The following ATG13 variants were observed in gnomAD, a reference collection of about 807,000 sequenced individuals.
The protein encoded by ATG13 is autophagy-related protein 13.
A neutral mutation model predicts 65.5 loss-of-function variants in ATG13; 23 were observed. That is an observed-to-expected ratio of 0.35 (90% CI 0.25 to 0.50). ATG13 has a LOEUF of 0.50. Ranked by LOEUF, ATG13 falls within the 20% of genes least tolerant of loss-of-function variation. The probability of loss-of-function intolerance (pLI) is 0.98; values close to 1 mark genes in which losing one functional copy is unlikely to be tolerated. For synonymous variants in ATG13, 252 were observed against 245.2 expected (o/e 1.03, Z -0.26); for missense variants, 566 against 677.0 (o/e 0.84, Z 1.82).
intron 2 of ATG13, among the ~76,000 whole-genome samples, chr11:46,639,741 G>T (rs752779008): frequency 6.6e-6 from 1 of 152,078 alleles, no homozygotes. Flanking sequence ...TAAAGTCATG[G>T]CACAGAGAGA....
chr11:46,635,944 T>C (rs1473120803), intron 2 of ATG13, among the ~76,000 whole-genome samples: 1 of 152,164 alleles, frequency 6.6e-6, no homozygotes, highest in Non-Finnish European at 1.5e-5. Context: ...TTTCTTTCTT[T>C]CTTTGTTTTT....
chr11:46,643,204 G>A (rs971958688), intron 2 of ATG13, among the ~76,000 whole-genome samples: 1 of 152,122 alleles, frequency 6.6e-6, no homozygotes, highest in Non-Finnish European at 1.5e-5. Context: ...GGGAGTTCAG[G>A]GGTTGGGGGT....
intron 1 of ATG13, among the ~76,000 whole-genome samples, chr11:46,622,098 TATATATATATATATATATATATA>T (rs1565397774): frequency 3.1e-5 from 2 of 64,528 alleles, no homozygotes; most frequent in African/African-American, 1.5e-4. Flanking sequence ...TATATATATA[TATATATATATATATATATATATA>T]TATATATTTA....
chr11:46,658,840 AAAAAG>A (rs761871435), intron 10 of ATG13, among the ~76,000 whole-genome samples: 45 of 152,246 alleles, frequency 3.0e-4, no homozygotes, highest in Admixed American at 3.9e-4. Flanking sequence ...CAATTTAGAA[AAAAAG>A]AAAAGAAAAG....
At chr11:46,665,606 G>A (rs752417022) in intron 14 of ATG13, 87 bp downstream of exon 14, 77 of 1,509,874 alleles carry the variant, frequency 5.1e-5, no homozygotes, top group Non-Finnish European at 6.3e-5. Flanking sequence ...AATTAGTAAA[G>A]AGTAACTTTC....
Position 46,667,958 on chromosome 11 carries a change from T to C in ATG13, c.1251+71T>C, listed in dbSNP as rs561511686. ...GAGTAAGGCCCCACAGGCAGTTTTC[T>C]TAACCTGAGATATTAATATATATGA... is the stretch of plus-strand genomic sequence containing the variant. On this transcript the variant is annotated intron_variant, in intron 15 of 18. Transcript: ENST00000683050. The C allele has an allele frequency of 1.5e-4, 179 of 1,216,460 alleles. No individual in the cohort carries two copies. The African/African-American group carries it at 2.2e-3, about 15-fold the overall frequency. 75.4% of individuals were successfully genotyped at this position (1,216,460 alleles called of 1,614,324 possible). A position where few individuals can be genotyped will look rare whatever the true frequency, so the allele number is the denominator to read the frequency against.
Position 46,645,890 on chromosome 11 carries a change from C to T in ATG13, c.171C>T (p.Asp57=). The change falls in exon 5 of 19, where the codon GAC becomes GAT. Residue 57 remains aspartate, a synonymous_variant. Transcript: ENST00000683050. ...TCCAGTTCAACTTAGCAATCAAAGA[C>T]ATCCCAGAGGTTACACATGAAGCAA... ...GSDWFNLAIK[D]IPEVTHEAKK... 1 of 1,614,152 alleles carries T rather than the reference C, an allele frequency of 6.2e-7. No homozygotes were observed. The highest frequency in any genetic ancestry group is 8.5e-7 in the Non-Finnish European group (1 of 1,180,004).
chr11:46,641,396 T>C (rs576549839), intron 2 of ATG13, among the ~76,000 whole-genome samples: 14 of 152,296 alleles, frequency 9.2e-5, no homozygotes, highest in Admixed American at 2.0e-4. Flanking sequence ...TATTACGTTA[T>C]ATTCATGAGA....
At chr11:46,635,441 A>G (rs917611871) in intron 2 of ATG13, among the ~76,000 whole-genome samples, 1 of 152,244 alleles carries the variant, frequency 6.6e-6, no homozygotes, top group African/African-American at 2.4e-5. Flanking sequence ...CAGGAGTTCA[A>G]TACCAACCTG....
chr11:46,644,433 C>T (rs2056998069), intron 3 of ATG13, 73 bp downstream of exon 3: 1 of 1,322,506 alleles, frequency 7.6e-7, no homozygotes, highest in Non-Finnish European at 1.1e-6. Context: ...GCGAACAACT[C>T]TCTTTGGAAA....
chr11:46,628,392 G>A (rs943395114), intron 1 of ATG13, among the ~76,000 whole-genome samples: 4 of 151,906 alleles, frequency 2.6e-5, no homozygotes, highest in African/African-American at 9.7e-5. Context: ...GTGAGACTCT[G>A]TCTCAAAAAA....
intron 18 of ATG13, 127 bp downstream of exon 18, chr11:46,669,659 C>T (rs921316973): frequency 4.2e-6 from 5 of 1,180,014 alleles, no homozygotes; most frequent in Non-Finnish European, 5.9e-6. Context: ...AGAAAATTAT[C>T]TTTTGATCAC....
chr11:46,623,909 C>T (rs1004539762), intron 1 of ATG13, among the ~76,000 whole-genome samples: 2 of 151,694 alleles, frequency 1.3e-5, no homozygotes, highest in African/African-American at 4.8e-5. Context: ...ATTATATTTA[C>T]ACATTCTTAT....
At chr11:46,667,920 G>A (rs1014496357) in intron 15 of ATG13, 33 bp downstream of exon 15, 20 of 1,544,800 alleles carry the variant, frequency 1.3e-5, no homozygotes, top group Admixed American at 3.4e-5. Context: ...CTGTGAGAAT[G>A]TCTGAGTTCT....
At chr11:46,627,161 C>A (rs899975037) in intron 1 of ATG13, among the ~76,000 whole-genome samples, 3 of 152,154 alleles carry the variant, frequency 2.0e-5, no homozygotes, top group Non-Finnish European at 4.4e-5. Context: ...TGGGCAGATA[C>A]CTGAGGTCAG....
At chr11:46,665,566 C>A in intron 14 of ATG13, 47 bp downstream of exon 14, 3 of 1,601,546 alleles carry the variant, frequency 1.9e-6, no homozygotes, top group Non-Finnish European at 2.6e-6. Context: ...GGCCAGGGGC[C>A]TGGGCTCCCT....
intron 2 of ATG13, among the ~76,000 whole-genome samples, chr11:46,634,232 A>ATT (rs1482611090): frequency 6.6e-6 from 1 of 151,654 alleles, no homozygotes; most frequent in East Asian, 1.9e-4. Context: ...AGTAGCTGGG[A>ATT]TTACAGGCAT....
At chr11:46,664,369 C>CT (rs2061826775) in intron 12 of ATG13, among the ~76,000 whole-genome samples, 1 of 152,060 alleles carries the variant, frequency 6.6e-6, no homozygotes, top group Non-Finnish European at 1.5e-5. Flanking sequence ...GGTATTCTGT[C>CT]TTTTTTCAAT....
At chr11:46,667,023 T>C (rs1427788781) in intron 14 of ATG13, among the ~76,000 whole-genome samples, 1 of 152,154 alleles carries the variant, frequency 6.6e-6, no homozygotes, top group Non-Finnish European at 1.5e-5. Flanking sequence ...TAAAGGCATT[T>C]TACACTCTAG....
Sources: gnomAD v4.1 joint callset for allele counts (sites outside exome capture counted in the v4.1 genomes callset) on GRCh38, gnomAD v4.1.1 for gene constraint, MANE v1.5 for transcripts, NCBI Gene and HGNC (gene_info 2026-07-23, HGNC 2026-07-21) for gene names.